The following AHCTF1 variants were observed in gnomAD, a reference collection of about 807,000 sequenced individuals.
The protein encoded by AHCTF1 is protein ELYS.
In AHCTF1, 24 loss-of-function variants were observed where a neutral mutation model predicts 248.4. The ratio of observed to expected loss-of-function variants is 0.10; its 90% CI spans 0.07 to 0.14. The LOEUF is 0.14. Ranked by LOEUF, AHCTF1 falls within the 10% of genes least tolerant of loss-of-function variation. The pLI is 1.00. For missense variants in AHCTF1, 2,206 were observed against 2,636.2 expected (o/e 0.84, Z 3.57); for synonymous variants, 786 against 929.8 (o/e 0.85, Z 2.81).
chr1:246,898,575 C>A (rs1664765973), intron 11 of AHCTF1, among the ~76,000 whole-genome samples: 1 of 150,992 alleles, frequency 6.6e-6, no homozygotes, highest in African/African-American at 2.4e-5. Flanking sequence ...ACTGTATAAC[C>A]CTGCTGTCTT....
Position 246,851,322 on chromosome 1 carries a change from G to C in AHCTF1, c.4684C>G (p.Gln1562Glu), listed in dbSNP as rs1399927563. The change falls in exon 33 of 36, where the codon CAA becomes GAA. Residue 1562 changes from glutamine (Q) to glutamate (E), a missense_variant. Transcript: ENST00000648844. ...KLQYNFDTID[Q>E]QFCDLADNKD... ...TTATCAGCTAAGTCACAAAACTGTT[G>C]GTCAATAGTATCAAAATTGTACTGA... is the stretch of plus-strand genomic sequence containing the variant. The C allele has an allele frequency of 1.9e-6, 3 of 1,613,844 alleles. No individual in the cohort carries two copies. The highest frequency in any genetic ancestry group is 2.7e-5 in the African/African-American group (2 of 74,872).
In AHCTF1 at chr1:246,910,745, C is replaced by A. The variant is rs532291262; in HGVS notation, c.556+2487G>T. ...ACACTGTCCTAGAACAGGGCCCCCA[C>A]CCCCAAATCACTTCTGCTTCTGATG... On this transcript the variant is annotated intron_variant, in intron 4 of 35. Transcript: ENST00000648844. Among the ~76,000 whole-genome samples, 3 of 150,604 alleles carry A rather than the reference C, an allele frequency of 2.0e-5. No individual in the cohort carries two copies. In the South Asian group the frequency reaches 6.3e-4, roughly 32 times the overall value.
intron 11 of AHCTF1, among the ~76,000 whole-genome samples, chr1:246,898,848 G>A (rs899963562): frequency 6.6e-6 from 1 of 152,226 alleles, no homozygotes; most frequent in African/African-American, 2.4e-5. Context: ...AACACTTCGG[G>A]AGGCCGAGGC....
chr1:246,841,646 T>C lies in AHCTF1; in HGVS notation c.6609-648A>G, dbSNP rs534028587. 5.9e-5 allele frequency among the ~76,000 whole-genome samples: 9 copies of C among 152,328 alleles called. No homozygotes were observed. In the South Asian group the frequency reaches 1.9e-3, roughly 32 times the overall value. ...AATTGCAGGATTTTAAAGTGTATAA[T>C]TGTTTTTTACTAATAGTTACCTAAC... On this transcript the variant is annotated intron_variant, in intron 35 of 35. Transcript: ENST00000648844.
intron 4 of AHCTF1, among the ~76,000 whole-genome samples, chr1:246,912,482 C>CA (rs879277552): frequency 0.061 from 7,068 of 116,414 alleles, 513 homozygotes; most frequent in African/African-American, 0.19. Context: ...ACGCCGTCTC[C>CA]AAAAAAAAAA....
At chr1:246,849,515 G>A in intron 33 of AHCTF1, 100 bp downstream of exon 33, 1 of 1,462,038 alleles carries the variant, frequency 6.8e-7, no homozygotes, top group East Asian at 2.3e-5. Context: ...AGGGGGGAAG[G>A]GGAAAAATTC....
At chr1:246,843,298 A>G (rs138056791) in intron 34 of AHCTF1, among the ~76,000 whole-genome samples, 23 of 152,374 alleles carry the variant, frequency 1.5e-4, no homozygotes, top group Non-Finnish European at 3.2e-4. Flanking sequence ...CATCTCTTCA[A>G]TGAAACTGTG....
Position 246,898,292 on chromosome 1 carries a change from G to A in AHCTF1, c.1539C>T (p.Leu513=), listed in dbSNP as rs758657807. The change falls in exon 12 of 36, where the codon CTC becomes CTT. Residue 513 remains leucine (L), a synonymous_variant. Transcript: ENST00000648844. The part of the protein sequence containing the change: ...LKKSGPSLNE[L]IPDGYNRCLV... ...GACATCGATTATAACCATCAGGAAT[G>A]AGTTCATTGAGTGATGGACCTGATT... The A allele has an allele frequency of 5.6e-6, 9 of 1,613,098 alleles. No homozygotes were observed. The East Asian group carries it at 2.0e-4, about 36-fold the overall frequency.
intron 8 of AHCTF1, among the ~76,000 whole-genome samples, chr1:246,901,295 C>T (rs536922964): frequency 3.3e-5 from 5 of 151,900 alleles, no homozygotes; most frequent in African/African-American, 9.7e-5. Context: ...GAGACGAGAT[C>T]GTGCAAGTGC....
chr1:246,931,318 C>A (rs968686831), intron 1 of AHCTF1: 4 of 1,546,576 alleles, frequency 2.6e-6, no homozygotes, highest in Non-Finnish European at 3.5e-6. Flanking sequence ...CAGCGCCGCT[C>A]CGCCGCCATG....
chr1:246,860,039 A>T (rs1370082084), intron 29 of AHCTF1, among the ~76,000 whole-genome samples: 4 of 152,130 alleles, frequency 2.6e-5, no homozygotes, highest in Non-Finnish European at 5.9e-5. Flanking sequence ...AGGCAGGCAG[A>T]TCACGAGGTC....
intron 16 of AHCTF1, among the ~76,000 whole-genome samples, chr1:246,890,504 G>A (rs1664141462): frequency 6.6e-6 from 1 of 152,006 alleles, no homozygotes; most frequent in African/African-American, 2.4e-5. Flanking sequence ...TATAGCACAA[G>A]TCAAATACCA....
At chr1:246,904,084 T>C (rs1665211947) in intron 6 of AHCTF1, 51 bp from the exon 7 acceptor site, 7 of 1,450,182 alleles carry the variant, frequency 4.8e-6, no homozygotes, top group African/African-American at 1.4e-5. Flanking sequence ...ACATTAAACA[T>C]CTCTTACTGT....
rs746328158 is a variant in AHCTF1 at position 246,843,930 on chromosome 1, T to TA, written c.6392-3dup. ...GTGCAGGAACCTCTATTTTTTTAGC[T>TA]AAAAAAAGTTGAAAAAACTGTATCT... On this transcript the variant is annotated splice_polypyrimidine_tract_variant and splice_region_variant and intron_variant, in intron 33 of 35. Transcript: ENST00000648844. 1.0e-5 allele frequency: 15 copies of TA among 1,437,678 alleles called. No homozygotes were observed. The highest frequency in any genetic ancestry group is 2.9e-5 in the African/African-American group (2 of 68,512). 89.1% of individuals were successfully genotyped at this position (1,437,678 alleles called of 1,614,324 possible).
At chr1:246,862,721 A>C (rs1321217748) in intron 27 of AHCTF1, among the ~76,000 whole-genome samples, 1 of 141,214 alleles carries the variant, frequency 7.1e-6, no homozygotes, top group Non-Finnish European at 1.5e-5. Context: ...GCCAATTAGT[A>C]AGATAAATTA....
chr1:246,906,304 G>A (rs1375485115), intron 5 of AHCTF1, among the ~76,000 whole-genome samples: 1 of 152,148 alleles, frequency 6.6e-6, no homozygotes, highest in East Asian at 1.9e-4. Context: ...TGGCAGCCGG[G>A]CGTGGTAGCT....
At chr1:246,929,413 A>T (rs1221960371) in intron 1 of AHCTF1, among the ~76,000 whole-genome samples, 1 of 151,702 alleles carries the variant, frequency 6.6e-6, no homozygotes, top group Non-Finnish European at 1.5e-5. Context: ...CGTCTCAAAA[A>T]AATAAAAATA....
intron 1 of AHCTF1, among the ~76,000 whole-genome samples, chr1:246,922,435 T>TG (rs200513694): frequency 0.026 from 3,846 of 149,320 alleles, 176 homozygotes; most frequent in African/African-American, 0.09. Context: ...TTTGGGTTGT[T>TG]TTTTTTTTTT....
At chr1:246,896,246 G>A (rs977379503) in intron 12 of AHCTF1, among the ~76,000 whole-genome samples, 7 of 151,874 alleles carry the variant, frequency 4.6e-5, no homozygotes, top group Non-Finnish European at 1.0e-4. Context: ...AAAAATACAC[G>A]CCCAAACAAA....
Sources: allele counts gnomAD v4.1 joint callset (sites outside exome capture counted in the v4.1 genomes callset), GRCh38; gene constraint gnomAD v4.1.1; transcripts MANE v1.5; gene names NCBI Gene and HGNC (gene_info 2026-07-23, HGNC 2026-07-21).